The following PTER variants were observed in gnomAD, a reference collection of about 807,000 sequenced individuals.
PTER encodes the protein phosphotriesterase related.
PTER carries 38 observed loss-of-function variants against 29.6 expected under a neutral mutation model. The ratio of observed to expected loss-of-function variants is 1.28; its 90% CI spans 0.99 to 1.68. The LOEUF (loss-of-function observed/expected upper bound fraction) is 1.68, where lower values mean the gene tolerates loss of function less well. PTER is among the 40% of genes most tolerant of loss of function. The probability of loss-of-function intolerance (pLI) is 0.00; values close to 1 mark genes in which losing one functional copy is unlikely to be tolerated. For synonymous variants in PTER, 172 were observed against 154.5 expected (o/e 1.11, Z -0.84); for missense variants, 482 against 427.8 (o/e 1.13, Z -1.12).
chr10:16,514,601 T>G, downstream of PTER: 1 of 1,613,920 alleles, frequency 6.2e-7, no homozygotes. Flanking sequence ...TTTCCCGCCA[T>G]CTAATTTGAT....
chr10:16,459,248 A>G (rs1236975240), intron 1 of PTER, among the ~76,000 whole-genome samples: 1 of 152,224 alleles, frequency 6.6e-6, no homozygotes, highest in East Asian at 1.9e-4. Context: ...TTTGTTTTTT[A>G]AAGGTCAGCT....
At chr10:16,496,997 C>T (rs992652375) in intron 3 of PTER, among the ~76,000 whole-genome samples, 8 of 150,042 alleles carry the variant, frequency 5.3e-5, no homozygotes, top group African/African-American at 7.4e-5. Flanking sequence ...TGCAGTTGCG[C>T]GATCTCGGCT....
downstream of PTER, among the ~76,000 whole-genome samples, chr10:16,515,593 C>T (rs1481606296): frequency 6.6e-6 from 1 of 152,146 alleles, no homozygotes; most frequent in African/African-American, 2.4e-5. Context: ...CCATGGTAAG[C>T]CTGTGATCTC....
intron 1 of PTER, among the ~76,000 whole-genome samples, chr10:16,475,086 G>A (rs984330609): frequency 1.1e-4 from 16 of 152,092 alleles, no homozygotes; most frequent in African/African-American, 3.9e-4. Context: ...CATTTATGAA[G>A]CCTTTACCTT....
intron 1 of PTER, among the ~76,000 whole-genome samples, chr10:16,445,334 C>T (rs927530652): frequency 6.6e-6 from 1 of 152,144 alleles, no homozygotes; most frequent in Admixed American, 6.5e-5. Context: ...ATGGCTTGAA[C>T]CTGGGAGGCG....
chr10:16,501,610 T>TC (rs1264263879), intron 3 of PTER, among the ~76,000 whole-genome samples: 3 of 152,176 alleles, frequency 2.0e-5, no homozygotes, highest in Admixed American at 6.5e-5. Context: ...TGGTAAATTC[T>TC]CCATTTTTCA....
At chr10:16,489,992 C>A (rs930896648) in intron 3 of PTER, among the ~76,000 whole-genome samples, 1 of 152,142 alleles carries the variant, frequency 6.6e-6, no homozygotes, top group South Asian at 2.1e-4. Flanking sequence ...CATACAGATA[C>A]CCCTTGACTT....
intron 3 of PTER, chr10:16,486,858 A>T (rs1206177333): frequency 2.2e-6 from 1 of 454,256 alleles, no homozygotes; most frequent in African/African-American, 2.0e-5. Context: ...ATTTCGCATA[A>T]GTCATTTCCT....
intron 1 of PTER, among the ~76,000 whole-genome samples, chr10:16,444,127 G>A (rs1374108978): frequency 2.6e-5 from 4 of 151,168 alleles, no homozygotes; most frequent in East Asian, 1.9e-4. Context: ...TCAGCCTCCC[G>A]AGTAGCTGGA....
At chr10:16,501,363 ACACACATG>A (rs1297169434) in intron 3 of PTER, among the ~76,000 whole-genome samples, 18 of 79,340 alleles carry the variant, frequency 2.3e-4, no homozygotes, top group South Asian at 1.3e-3. Context: ...ACACACACAC[ACACACATG>A]CACACACACA....
At chr10:16,489,384 A>G (rs1248218166) in intron 3 of PTER, among the ~76,000 whole-genome samples, 1 of 152,184 alleles carries the variant, frequency 6.6e-6, no homozygotes, top group Non-Finnish European at 1.5e-5. Context: ...TAATTGATAA[A>G]TCTAACTTCT....
chr10:16,507,974 C>T (rs532995969), intron 4 of PTER, among the ~76,000 whole-genome samples: 20 of 152,098 alleles, frequency 1.3e-4, no homozygotes, highest in Non-Finnish European at 2.6e-4. Flanking sequence ...TAGTGCAGTG[C>T]ATTCAGTCAT....
chr10:16,469,209 C>A (rs1314298220), intron 1 of PTER, among the ~76,000 whole-genome samples: 1 of 151,922 alleles, frequency 6.6e-6, no homozygotes, highest in Non-Finnish European at 1.5e-5. Context: ...AAGCTGAGAG[C>A]AAAGAGGCAG....
At chr10:16,485,643 G>A (rs1006398100) in intron 2 of PTER, among the ~76,000 whole-genome samples, 2 of 151,822 alleles carry the variant, frequency 1.3e-5, no homozygotes, top group Admixed American at 1.3e-4. Flanking sequence ...TATTTTTGTT[G>A]TTTAAAGACT....
At chr10:16,457,204 GTTT>G in intron 1 of PTER, among the ~76,000 whole-genome samples, 1 of 151,314 alleles carries the variant, frequency 6.6e-6, no homozygotes, top group Non-Finnish European at 1.5e-5. Context: ...TGTTTTGTTT[GTTT>G]GTTTGTTTGT....
At chr10:16,516,738 A>T (rs1836957551), downstream of PTER, among the ~76,000 whole-genome samples, 1 of 152,228 alleles carries the variant, frequency 6.6e-6, no homozygotes, top group Admixed American at 6.5e-5. Context: ...AAACCGAGTG[A>T]ACGTCACCAT....
At chr10:16,509,909 G>C (rs575120872) in intron 4 of PTER, among the ~76,000 whole-genome samples, 2 of 152,130 alleles carry the variant, frequency 1.3e-5, no homozygotes, top group South Asian at 4.2e-4. Context: ...AGAGGGCAGG[G>C]CTTTGTGCTT....
Position 16,484,366 on chromosome 10 carries a change from CTTGG to C in PTER, c.-17_-14del, listed in dbSNP as rs750169000. ...AAGAAATCCTCTTTTTAGAACATCT[CTTGG>C]TGGTACCATCAGAAATGTCTTCCTT... On this transcript the variant is annotated 5_prime_UTR_variant, in exon 2 of 5. Transcript: ENST00000535784. 5 of 1,555,728 alleles carry C rather than the reference CTTGG, an allele frequency of 3.2e-6. No individual in the cohort carries two copies. The East Asian group carries it at 6.7e-5, about 21-fold the overall frequency.
intron 4 of PTER, among the ~76,000 whole-genome samples, chr10:16,507,946 G>A (rs1836642036): frequency 6.6e-6 from 1 of 152,072 alleles, no homozygotes; most frequent in Non-Finnish European, 1.5e-5. Context: ...CTTGCCTAAG[G>A]GCATCTGGAA....
Sources: gnomAD v4.1 joint callset for allele counts (sites outside exome capture counted in the v4.1 genomes callset) on GRCh38, gnomAD v4.1.1 for gene constraint, MANE v1.5 for transcripts, NCBI Gene and HGNC (gene_info 2026-07-23, HGNC 2026-07-21) for gene names.